Variants in CCDC7 observed in about 807,000 individuals in gnomAD.
CCDC7 encodes the protein coiled-coil domain-containing protein 7.
CCDC7 carries 183 observed loss-of-function variants against 196.9 expected under a neutral mutation model. The ratio of observed to expected loss-of-function variants is 0.93; its 90% CI spans 0.82 to 1.05. CCDC7 has a LOEUF of 1.05. Ranked by LOEUF, CCDC7 falls within the 50% of genes least tolerant of loss-of-function variation. CCDC7 has a pLI of 0.00. For synonymous variants in CCDC7, 525 were observed against 484.6 expected (o/e 1.08, Z -1.10); for missense variants, 1,540 against 1,482.2 (o/e 1.04, Z -0.64).
intron 28 of CCDC7, among the ~76,000 whole-genome samples, chr10:32,734,771 C>T (rs566883790): frequency 1.1e-4 from 16 of 151,968 alleles, no homozygotes; most frequent in African/African-American, 3.9e-4. Flanking sequence ...GTGGCATGCA[C>T]CTGTAATCCC....
chr10:32,703,648 A>T (rs2079158511), intron 24 of CCDC7, among the ~76,000 whole-genome samples: 2 of 152,118 alleles, frequency 1.3e-5, no homozygotes, highest in African/African-American at 4.8e-5. Context: ...ACTTTAAGGT[A>T]CACCAATCAG....
chr10:32,704,452 G>T (rs1012505416), intron 24 of CCDC7, among the ~76,000 whole-genome samples: 6 of 151,408 alleles, frequency 4.0e-5, no homozygotes, highest in Non-Finnish European at 5.9e-5. Flanking sequence ...GCTACTCAGG[G>T]GTCAGGGACC....
intron 22 of CCDC7, among the ~76,000 whole-genome samples, chr10:32,686,765 TA>T (rs1025902094): frequency 6.6e-6 from 1 of 152,212 alleles, no homozygotes; most frequent in African/African-American, 2.4e-5. Flanking sequence ...TCCTCTTGGG[TA>T]ACAAGGTCTT....
At chr10:32,834,365 A>C (rs1470556076) in intron 32 of CCDC7, among the ~76,000 whole-genome samples, 1 of 152,010 alleles carries the variant, frequency 6.6e-6, no homozygotes, top group Non-Finnish European at 1.5e-5. Flanking sequence ...GAATAAAATT[A>C]TATTCCACCT....
intron 18 of CCDC7, among the ~76,000 whole-genome samples, chr10:32,626,379 A>C (rs1022155587): frequency 5.9e-5 from 9 of 151,926 alleles, no homozygotes; most frequent in African/African-American, 1.2e-4. Flanking sequence ...AAAAATGTAC[A>C]TTCAGTCCCA....
chr10:32,494,328 G>A (rs910043274), intron 9 of CCDC7, among the ~76,000 whole-genome samples: 1 of 150,404 alleles, frequency 6.6e-6, no homozygotes, highest in African/African-American at 2.4e-5. Flanking sequence ...AAGATCAGTT[G>A]ATCATATATA....
intron 11 of CCDC7, among the ~76,000 whole-genome samples, chr10:32,524,284 C>T (rs77026566): frequency 0.043 from 6,616 of 152,166 alleles, 480 homozygotes; most frequent in African/African-American, 0.15. Context: ...AAAAACTCTA[C>T]GCTTTAATTT....
intron 33 of CCDC7, among the ~76,000 whole-genome samples, chr10:32,838,369 C>A (rs986371609): frequency 1.3e-4 from 20 of 151,838 alleles, no homozygotes; most frequent in African/African-American, 4.6e-4. Context: ...ATAATAGAAC[C>A]GAACAGCAGA....
chr10:32,640,052 T>G (rs773337790), intron 20 of CCDC7, among the ~76,000 whole-genome samples: 18 of 152,214 alleles, frequency 1.2e-4, no homozygotes, highest in Non-Finnish European at 2.5e-4. Flanking sequence ...AGATGTCTAT[T>G]AGGTCTTCTT....
chr10:32,733,639 TCTTA>T (rs139067315), intron 28 of CCDC7, among the ~76,000 whole-genome samples: 21,677 of 152,020 alleles, frequency 0.14, 1,851 homozygotes, highest in African/African-American at 0.25. Flanking sequence ...TCTGTTCAGT[TCTTA>T]CTTTTTTCAT....
At chr10:32,466,100 A>G (rs2036709221) in intron 5 of CCDC7, among the ~76,000 whole-genome samples, 1 of 151,986 alleles carries the variant, frequency 6.6e-6, no homozygotes, top group Admixed American at 6.6e-5. Flanking sequence ...ACCAGGAGGA[A>G]TCCCCACTGC....
At chr10:32,629,039 C>T (rs2064452821) in intron 18 of CCDC7, among the ~76,000 whole-genome samples, 1 of 151,968 alleles carries the variant, frequency 6.6e-6, no homozygotes, top group South Asian at 2.1e-4. Context: ...AGTTCAAGTC[C>T]AGTGTTTCGT....
Position 32,686,100 on chromosome 10 carries a change from A to T in CCDC7, c.2233+20A>T. 8.8e-7 allele frequency: 1 copy of T among 1,137,652 alleles called. No individual in the cohort carries two copies. Among genetic ancestry groups the T allele is most frequent in the Middle Eastern group, 2.0e-4 (1 of 4,954 alleles). 70.5% of individuals were successfully genotyped at this position (1,137,652 alleles called of 1,614,324 possible). A position where few individuals can be genotyped will look rare whatever the true frequency, so the allele number is the denominator to read the frequency against. On this transcript the variant is annotated intron_variant, in intron 22 of 41. Transcript: ENST00000639629. ...TCACCAGTAAGTATAAAAATTACACATAACTTTACATTATTTTAAATTAGT... is the reference window on the plus strand; with the variant it reads ...TCACCAGTAAGTATAAAAATTACACTTAACTTTACATTATTTTAAATTAGT...
At chr10:32,766,197 C>G (rs34521758) in intron 28 of CCDC7, among the ~76,000 whole-genome samples, 21,014 of 151,934 alleles carry the variant, frequency 0.14, 1,755 homozygotes, top group East Asian at 0.25. Flanking sequence ...TGGGACGTGT[C>G]AAGATATTCC....
chr10:32,583,092 C>A, exon 17 of CCDC7: 1 of 1,231,284 alleles, frequency 8.1e-7, no homozygotes, highest in South Asian at 4.1e-5. Context: ...CCTTAAGTCT[C>A]AAGATGAATC....
chr10:32,774,939 T>A (rs1468831835), intron 28 of CCDC7, among the ~76,000 whole-genome samples: 1 of 152,182 alleles, frequency 6.6e-6, no homozygotes, highest in East Asian at 1.9e-4. Flanking sequence ...TTGTTGTTGT[T>A]AAAGAAGCTA....
At chr10:32,497,772 T>A (rs1191860360) in intron 9 of CCDC7, among the ~76,000 whole-genome samples, 1 of 152,210 alleles carries the variant, frequency 6.6e-6, no homozygotes, top group Admixed American at 6.5e-5. Flanking sequence ...TTGTTATGAT[T>A]TCTGTTCTCT....
At chr10:32,661,793 C>T (rs147415878) in intron 20 of CCDC7, among the ~76,000 whole-genome samples, 2 of 152,284 alleles carry the variant, frequency 1.3e-5, no homozygotes, top group East Asian at 3.9e-4. Context: ...CTCTTCTCCT[C>T]AAGAAGAAGG....
intron 28 of CCDC7, among the ~76,000 whole-genome samples, chr10:32,761,979 A>T (rs1403016320): frequency 6.6e-6 from 1 of 151,970 alleles, no homozygotes; most frequent in African/African-American, 2.4e-5. Context: ...TCTCTCTGAG[A>T]GCCAGAAAGT....
Sources: allele counts gnomAD v4.1 joint callset (sites outside exome capture counted in the v4.1 genomes callset), GRCh38; gene constraint gnomAD v4.1.1; transcripts MANE v1.5; gene names NCBI Gene and HGNC (gene_info 2026-07-23, HGNC 2026-07-21).